The following FAM13A variants were observed in gnomAD, a reference collection of about 807,000 sequenced individuals.
The protein encoded by FAM13A is family with sequence similarity 13 member A.
In FAM13A, 76 loss-of-function variants were observed where a neutral mutation model predicts 129.6. That is an observed-to-expected ratio of 0.59 (90% CI 0.49 to 0.71). The LOEUF is 0.71. FAM13A is among the 30% of genes least tolerant of loss of function. FAM13A has a pLI of 0.00. For synonymous variants in FAM13A, 443 were observed against 449.9 expected (o/e 0.98, Z 0.20); for missense variants, 1,108 against 1,249.3 (o/e 0.89, Z 1.70).
At chr4:88,731,523 G>C in intron 22 of FAM13A, 95 bp from the exon 23 acceptor site, 1 of 688,118 alleles carries the variant, frequency 1.5e-6, no homozygotes, top group South Asian at 2.0e-5. Context: ...TGCAGAAAGG[G>C]GAGGCAAGTA....
At chr4:88,859,166 G>A (rs1291253012) in intron 6 of FAM13A, among the ~76,000 whole-genome samples, 2 of 152,148 alleles carry the variant, frequency 1.3e-5, no homozygotes, top group African/African-American at 2.4e-5. Flanking sequence ...GGAAAGAGGC[G>A]ATTGCTAAAG....
intron 4 of FAM13A, among the ~76,000 whole-genome samples, chr4:88,945,992 A>G (rs4431188): frequency 0.12 from 1,339 of 10,788 alleles, 34 homozygotes; most frequent in Non-Finnish European, 0.23. Flanking sequence ...GTGTGTGTGT[A>G]TATATATATA....
chr4:88,891,140 G>A (rs1745238932), intron 6 of FAM13A, among the ~76,000 whole-genome samples: 1 of 152,152 alleles, frequency 6.6e-6, no homozygotes, highest in South Asian at 2.1e-4. Flanking sequence ...AAAGGGACTT[G>A]GGCCAGGCAC....
intron 1 of FAM13A, among the ~76,000 whole-genome samples, chr4:89,053,276 T>G (rs2149188300): frequency 6.6e-6 from 1 of 152,300 alleles, no homozygotes; most frequent in East Asian, 1.9e-4. Flanking sequence ...TTCCATGAAC[T>G]GATAATTACC....
intron 7 of FAM13A, among the ~76,000 whole-genome samples, chr4:88,838,976 G>GT (rs1242183721): frequency 1.3e-5 from 2 of 151,200 alleles, no homozygotes; most frequent in African/African-American, 2.4e-5. Context: ...CCTTCTTTGT[G>GT]TTTTTTTCAT....
intron 5 of FAM13A, among the ~76,000 whole-genome samples, chr4:88,909,966 T>C (rs1195141319): frequency 2.0e-5 from 3 of 152,174 alleles, no homozygotes; most frequent in African/African-American, 7.2e-5. Context: ...ATTCTCAAGG[T>C]AAGAGACCTC....
At chr4:88,793,691 TTC>T (rs1725626082) in intron 8 of FAM13A, among the ~76,000 whole-genome samples, 1 of 151,940 alleles carries the variant, frequency 6.6e-6, no homozygotes, top group Non-Finnish European at 1.5e-5. Flanking sequence ...TCTCTGTAGT[TTC>T]TTTTACCTCT....
intron 4 of FAM13A, among the ~76,000 whole-genome samples, chr4:88,985,128 C>T (rs189850129): frequency 1.3e-5 from 2 of 152,306 alleles, no homozygotes; most frequent in East Asian, 3.9e-4. Flanking sequence ...GATGTACTGA[C>T]ACATGCTACA....
intron 3 of FAM13A, among the ~76,000 whole-genome samples, chr4:89,001,669 T>C (rs1363471550): frequency 6.6e-6 from 1 of 152,182 alleles, no homozygotes; most frequent in Non-Finnish European, 1.5e-5. Context: ...CGTTTATTCA[T>C]GTGGTACTGT....
intron 1 of FAM13A, among the ~76,000 whole-genome samples, chr4:89,045,114 AATTGATCAC>A (rs1560939258): frequency 6.6e-6 from 1 of 152,206 alleles, no homozygotes; most frequent in Non-Finnish European, 1.5e-5. Flanking sequence ...AAAGTTAAAG[AATTGATCAC>A]AATGATGAAA....
chr4:88,746,032 C>G (rs954290139), intron 19 of FAM13A, among the ~76,000 whole-genome samples: 1 of 152,074 alleles, frequency 6.6e-6, no homozygotes, highest in Non-Finnish European at 1.5e-5. Context: ...ACCTTAGAGT[C>G]TAGTGAATTA....
intron 3 of FAM13A, among the ~76,000 whole-genome samples, chr4:88,994,446 G>A (rs114939259): frequency 1.5e-3 from 236 of 152,306 alleles, no homozygotes; most frequent in Non-Finnish European, 2.3e-3. Flanking sequence ...CACCTTCAGA[G>A]GAGGCTTGTA....
chr4:88,810,799 T>C (rs1245334695), intron 7 of FAM13A, among the ~76,000 whole-genome samples: 6 of 152,140 alleles, frequency 3.9e-5, no homozygotes, highest in African/African-American at 1.4e-4. Flanking sequence ...TTAATGATGA[T>C]TCAGTTAGAA....
intron 3 of FAM13A, among the ~76,000 whole-genome samples, chr4:89,009,582 C>G (rs1765478246): frequency 6.6e-6 from 1 of 152,190 alleles, no homozygotes; most frequent in Admixed American, 6.5e-5. Flanking sequence ...AGGCAATTTT[C>G]CTTAGTACTT....
At chr4:89,039,956 A>T (rs1769893295) in intron 1 of FAM13A, among the ~76,000 whole-genome samples, 1 of 143,534 alleles carries the variant, frequency 7.0e-6, no homozygotes, top group Non-Finnish European at 1.5e-5. Flanking sequence ...CTGTCTCTTT[A>T]AAAAAAAAAA....
intron 5 of FAM13A, among the ~76,000 whole-genome samples, chr4:88,916,193 AT>A (rs1750094364): frequency 6.6e-6 from 1 of 152,148 alleles, no homozygotes; most frequent in African/African-American, 2.4e-5. Context: ...CAAAGAATAA[AT>A]TACTTTTCTT....
chr4:89,015,071 G>A (rs375020206), intron 3 of FAM13A, among the ~76,000 whole-genome samples: 1 of 152,150 alleles, frequency 6.6e-6, no homozygotes, highest in South Asian at 2.1e-4. Context: ...GTCTTTTACG[G>A]TTGAAGATAA....
intron 6 of FAM13A, among the ~76,000 whole-genome samples, chr4:88,873,286 AATC>A (rs1741751791): frequency 6.6e-6 from 1 of 152,138 alleles, no homozygotes; most frequent in Non-Finnish European, 1.5e-5. Context: ...AAATAACTAA[AATC>A]AGAGCAGAAC....
Position 89,025,245 on chromosome 4 carries a change from G to GTTTTTTTTTTTTTTT in FAM13A, c.217+4200_217+4214dup, listed in dbSNP as rs56710705. 2.6e-4 allele frequency among the ~76,000 whole-genome samples: 16 copies of GTTTTTTTTTTTTTTT among 61,374 alleles called. 3 individuals carry two copies. The highest frequency in any genetic ancestry group is 4.2e-4 in the Non-Finnish European group (13 of 30,806). The allele number at this position is 61,374 out of a possible 152,430, so 40.3% of individuals were successfully genotyped here. ...GCTAAAGGTTAACCATGGAATCATT[G>GTTTTTTTTTTTTTTT]TTTTTTTTTTTTTTTTTTTTTTTTT... On this transcript the variant is annotated intron_variant, in intron 2 of 23. Transcript: ENST00000264344.
Sources: gnomAD v4.1 joint callset for allele counts (sites outside exome capture counted in the v4.1 genomes callset) on GRCh38, gnomAD v4.1.1 for gene constraint, MANE v1.5 for transcripts, NCBI Gene and HGNC (gene_info 2026-07-23, HGNC 2026-07-21) for gene names.